The following TRIM11 variants were observed in gnomAD, a reference collection of about 807,000 sequenced individuals.
TRIM11 encodes the protein E3 ubiquitin-protein ligase TRIM11.
TRIM11 carries 15 observed loss-of-function variants against 33.4 expected under a neutral mutation model. The observed-to-expected ratio is 0.45, with a 90% CI of 0.30 to 0.69. The LOEUF (loss-of-function observed/expected upper bound fraction) is 0.69, where lower values mean the gene tolerates loss of function less well. TRIM11 is among the 30% of genes least tolerant of loss of function. TRIM11 has a pLI of 0.08. For missense variants in TRIM11, 499 were observed against 667.6 expected (o/e 0.75, Z 2.78); for synonymous variants, 281 against 302.6 (o/e 0.93, Z 0.74).
At position 228,395,667 on chromosome 1, in the gene TRIM11, G is replaced by C. The variant is rs1157466520; in HGVS notation, c.860-415C>G. ...CTCCCAAGCTGCTGGGATTACAGGC[G>C]TGTGCCACCATGGCTGGCTCATTTT... On this transcript the variant is annotated intron_variant, in intron 5 of 5. Transcript: ENST00000284551. The surrounding 1 kb of genome is among the most constrained non-coding windows in gnomAD (Gnocchi z 4.8). 1 of 163,640 alleles carries C rather than the reference G, an allele frequency of 6.1e-6. No homozygotes were observed. Among genetic ancestry groups the C allele is most frequent in the Non-Finnish European group, 1.3e-5 (1 of 76,130 alleles). The allele number at this position is 163,640 out of a possible 1,614,324, so 10.1% of individuals were successfully genotyped here.
rs532077087 is a variant in TRIM11 at position 228,395,737 on chromosome 1, G to A, written c.860-485C>T. 1 of 152,782 alleles carries A rather than the reference G, an allele frequency of 6.5e-6. No individual in the cohort carries two copies. Among genetic ancestry groups the A allele is most frequent in the Non-Finnish European group, 1.5e-5 (1 of 68,618 alleles). The allele number at this position is 152,782 out of a possible 1,614,324, so 9.5% of individuals were successfully genotyped here. A position where few individuals can be genotyped will look rare whatever the true frequency, so the allele number is the denominator to read the frequency against. ...GATGGGAGTCTTGCTATGTTTCCCG[G>A]GTTGGTCTTGAACTGATGGCCTCAA... On this transcript the variant is annotated intron_variant, in intron 5 of 5. Coordinates refer to ENST00000284551, the MANE Select transcript of TRIM11 (RefSeq NM_145214.3). This position sits in a 1 kb window ranked among gnomAD's most constrained non-coding sequence, Gnocchi z 4.8.
Position 228,401,991 on chromosome 1 carries a change from G to T in TRIM11, c.504+75C>A. 2 of 1,237,206 alleles carry T rather than the reference G, an allele frequency of 1.6e-6. No individual in the cohort carries two copies. The highest frequency in any genetic ancestry group is 1.1e-6 in the Non-Finnish European group (1 of 890,184). 76.6% of individuals were successfully genotyped at this position (1,237,206 alleles called of 1,614,324 possible). The stretch of plus-strand genomic sequence containing the variant: ...AGGGCAAGTGTGCCTGGCCAGCATC[G>T]CCCCCTGGGGTCTCCTATACAGGAC... On this transcript the variant is annotated intron_variant, in intron 2 of 5. Coordinates refer to ENST00000284551, the MANE Select transcript of TRIM11 (RefSeq NM_145214.3). This position sits in a 1 kb window ranked among gnomAD's most constrained non-coding sequence, Gnocchi z 6.1.
rs936017315 is a variant in TRIM11, at chr1:228,406,259, G to A, written c.303C>T (p.Ala101=). ...VCPAHREPLA[A]FCGDELRLLC... ...GGAGGCGCAGCTCGTCGCCACAGAA[G>A]GCGGCCAGTGGCTCGCGGTGCGCGG... The change falls in exon 1 of 6, where the codon GCC becomes GCT. Residue 101 remains alanine, a synonymous_variant. Coordinates refer to ENST00000284551, the MANE Select transcript of TRIM11 (RefSeq NM_145214.3). This position sits in a 1 kb window ranked among gnomAD's most constrained non-coding sequence, Gnocchi z 8.2. 9.4e-6 allele frequency: 14 copies of A among 1,496,544 alleles called. No individual in the cohort carries two copies. Among genetic ancestry groups the A allele is most frequent in the Non-Finnish European group, 1.2e-5 (13 of 1,129,830 alleles). 92.7% of individuals were successfully genotyped at this position (1,496,544 alleles called of 1,614,324 possible). A position where few individuals can be genotyped will look rare whatever the true frequency, so the allele number is the denominator to read the frequency against.
chr1:228,396,926 A>T, intron 5 of TRIM11, 21 bp downstream of exon 5: 1 of 1,612,108 alleles, frequency 6.2e-7, no homozygotes, highest in East Asian at 2.2e-5. Context: ...TCATCTCCCC[A>T]CCTGGGGCCT....
At position 228,394,882 on chromosome 1, in the gene TRIM11, G is replaced by A. The variant is rs137972510; in HGVS notation, c.1230C>T (p.Tyr410=). 132 of 1,614,134 alleles carry A rather than the reference G, an allele frequency of 8.2e-5. No individual in the cohort carries two copies. The African/African-American group carries it at 1.2e-3, about 15-fold the overall frequency. ...PPRRVGIFLD[Y]EAGHLSFYSA... ...TGTAGAAAGAGAGATGTCCAGCCTCGTAGTCCAGAAAGATCCCCACGCGCC... is the reference window on the plus strand; with the variant it reads ...TGTAGAAAGAGAGATGTCCAGCCTCATAGTCCAGAAAGATCCCCACGCGCC... Residue 410 remains tyrosine, a synonymous_variant, in exon 6 of 6, where the codon TAC becomes TAT. Transcript: ENST00000284551. The surrounding 1 kb of genome is among the most constrained non-coding windows in gnomAD (Gnocchi z 6.2).
rs1042339023 is a variant in TRIM11 at position 228,395,878 on chromosome 1, C to T, written c.860-626G>A. 6.6e-6 allele frequency: 1 copy of T among 152,246 alleles called. No individual in the cohort carries two copies. The highest frequency in any genetic ancestry group is 1.5e-5 in the Non-Finnish European group (1 of 68,102). The allele number at this position is 152,246 out of a possible 1,614,324, so 9.4% of individuals were successfully genotyped here. On this transcript the variant is annotated intron_variant, in intron 5 of 5. Transcript: ENST00000284551. The surrounding 1 kb of genome is among the most constrained non-coding windows in gnomAD (Gnocchi z 4.8). Reference sequence around the variant, plus strand: ...AGGATGTGAATTAGGGCAGCTGTCCCAACCCTGACCACTCCGATTTCAGAT... The same window carrying T: ...AGGATGTGAATTAGGGCAGCTGTCCTAACCCTGACCACTCCGATTTCAGAT...
At chr1:228,404,194 C>G (rs1002271260) in intron 1 of TRIM11, 1 of 152,386 alleles carries the variant, frequency 6.6e-6, no homozygotes, top group Non-Finnish European at 1.5e-5. Flanking sequence ...GGCAAACCCC[C>G]TCCCCACACA....
In TRIM11 at chr1:228,402,189, A is replaced by G. The variant is rs145302297; in HGVS notation, c.409-28T>C. ...GCGGGAGAGGCCAGGCAGGACCATG[A>G]GACATGAGTCCTGTCACAGAAGCCT... On this transcript the variant is annotated intron_variant, in intron 1 of 5. Transcript: ENST00000284551. The G allele has an allele frequency of 8.3e-4, 1,312 of 1,576,752 alleles. 9 individuals carry two copies. The African/African-American group carries it at 0.016, about 19-fold the overall frequency.
chr1:228,398,715 G>A (rs2075006431), intron 3 of TRIM11, among the ~76,000 whole-genome samples: 1 of 152,106 alleles, frequency 6.6e-6, no homozygotes, highest in South Asian at 2.1e-4. Context: ...TGCGCAGGGT[G>A]AGGGAGGGGT....
At chr1:228,396,438 C>G (rs951077717) in intron 5 of TRIM11, 1 of 560,066 alleles carries the variant, frequency 1.8e-6, no homozygotes, top group Non-Finnish European at 3.2e-6. Flanking sequence ...CTTCCCCAGG[C>G]TTTGCCCATG....
chr1:228,403,215 C>CAGCAA lies in TRIM11; in HGVS notation c.409-1059_409-1055dup, dbSNP rs1352569568. 6.6e-6 allele frequency: 1 copy of CAGCAA among 152,338 alleles called. No homozygotes were observed. The highest frequency in any genetic ancestry group is 1.5e-5 in the Non-Finnish European group (1 of 68,146). 9.4% of individuals were successfully genotyped at this position (152,338 alleles called of 1,614,324 possible). A position where few individuals can be genotyped will look rare whatever the true frequency, so the allele number is the denominator to read the frequency against. On this transcript the variant is annotated intron_variant, in intron 1 of 5. Coordinates refer to ENST00000284551, the MANE Select transcript of TRIM11 (RefSeq NM_145214.3). This position sits in a 1 kb window ranked among gnomAD's most constrained non-coding sequence, Gnocchi z 4.8. ...CTTCCACCCCATCTGACACCCTTAT[C>CAGCAA]AGCAACGGGCCCTGTGCTGGCCACA...
Position 228,394,407 on chromosome 1 carries a change from C to T in TRIM11, c.*298G>A. ...AGTGGAGTTTTCTCAGCTTCTGGAA[C>T]CACAGGCCAGAGCTGCCGGGGCAAT... is the stretch of plus-strand genomic sequence containing the variant. On this transcript the variant is annotated 3_prime_UTR_variant, in exon 6 of 6. Coordinates refer to ENST00000284551, the MANE Select transcript of TRIM11 (RefSeq NM_145214.3). This position sits in a 1 kb window ranked among gnomAD's most constrained non-coding sequence, Gnocchi z 6.2. 2.4e-6 allele frequency: 1 copy of T among 415,904 alleles called. No individual in the cohort carries two copies. The highest frequency in any genetic ancestry group is 4.1e-5 in the Admixed American group (1 of 24,228). 25.8% of individuals were successfully genotyped at this position (415,904 alleles called of 1,614,324 possible).
rs537416882 is a variant in TRIM11 at position 228,401,714 on chromosome 1, T to A, written c.504+352A>T. 6.6e-6 allele frequency among the ~76,000 whole-genome samples: 1 copy of A among 151,744 alleles called. No individual in the cohort carries two copies. Among genetic ancestry groups the A allele is most frequent in the Admixed American group, 6.6e-5 (1 of 15,250 alleles). On this transcript the variant is annotated intron_variant, in intron 2 of 5. Transcript: ENST00000284551. The surrounding 1 kb of genome is among the most constrained non-coding windows in gnomAD (Gnocchi z 6.1). ...ACCCCAGAACTGGACAGATCCCAAA[T>A]CTACTCCTCAGGATGGCTGAATCCC...
chr1:228,397,153 C>A lies in TRIM11; in HGVS notation c.748G>T (p.Ala250Ser), dbSNP rs752433568. Residue 250 changes from alanine to serine, a missense_variant, in exon 4 of 6, where the codon GCC becomes TCC. Physicochemically the swap from Ala to Ser is moderately conservative, Grantham distance 99. Coordinates refer to ENST00000284551, the MANE Select transcript of TRIM11 (RefSeq NM_145214.3). Reference sequence around the variant, plus strand: ...AGGCTGGGTTCGTACCTGCGCAGGGCGTCCTTGATGTCCTATGTGGGGAGG... The same window carrying A: ...AGGCTGGGTTCGTACCTGCGCAGGGAGTCCTTGATGTCCTATGTGGGGAGG... Reference protein sequence around the residue: ...ALGLLQDIKDALRRVQDVKLQ... With the variant: ...ALGLLQDIKDSLRRVQDVKLQ... The A allele has an allele frequency of 1.2e-6, 2 of 1,613,534 alleles. No homozygotes were observed. Among genetic ancestry groups the A allele is most frequent in the Admixed American group, 1.7e-5 (1 of 60,004 alleles).
rs1161415552 is a variant in TRIM11, at chr1:228,401,958, G to T, written c.504+108C>A. On this transcript the variant is annotated intron_variant, in intron 2 of 5. Coordinates refer to ENST00000284551, the MANE Select transcript of TRIM11 (RefSeq NM_145214.3). The surrounding 1 kb of genome is among the most constrained non-coding windows in gnomAD (Gnocchi z 6.1). ...CAGGCTGAAGCAGTGACTGGTCCTG[G>T]GGCGCCAAGGGCAAGTGTGCCTGGC... The T allele has an allele frequency of 1.3e-6, 1 of 794,986 alleles. No homozygotes were observed. Among genetic ancestry groups the T allele is most frequent in the Non-Finnish European group, 1.9e-6 (1 of 525,824 alleles). The allele number at this position is 794,986 out of a possible 1,614,324, so 49.2% of individuals were successfully genotyped here. A position where few individuals can be genotyped will look rare whatever the true frequency, so the allele number is the denominator to read the frequency against.
At position 228,400,910 on chromosome 1, in the gene TRIM11, G is replaced by T. The variant is rs1447003783; in HGVS notation, c.735+54C>A. 19 of 1,457,322 alleles carry T rather than the reference G, an allele frequency of 1.3e-5. No homozygotes were observed. In the South Asian group the frequency reaches 2.0e-4, roughly 15 times the overall value. The allele number at this position is 1,457,322 out of a possible 1,614,324, so 90.3% of individuals were successfully genotyped here. A position where few individuals can be genotyped will look rare whatever the true frequency, so the allele number is the denominator to read the frequency against. ...GCACTTTCTGGTTCTCCCTCCCCCA[G>T]TGTGGCCAGGCCATGCCCGTGTGGC... On this transcript the variant is annotated intron_variant, in intron 3 of 5. Transcript: ENST00000284551. The surrounding 1 kb of genome is among the most constrained non-coding windows in gnomAD (Gnocchi z 4.5).
At chr1:228,404,156 G>A (rs1370856940) in intron 1 of TRIM11, 1 of 152,306 alleles carries the variant, frequency 6.6e-6, no homozygotes, top group Non-Finnish European at 1.5e-5. Context: ...TGCAGGCCTG[G>A]GATCTTCCCT....
intron 5 of TRIM11, chr1:228,396,478 G>A: frequency 1.7e-6 from 1 of 586,986 alleles, no homozygotes; most frequent in South Asian, 2.1e-5. Flanking sequence ...TTCCTGAGTG[G>A]TATCCTTCAC....
rs767611965 is a variant in TRIM11 at position 228,403,958 on chromosome 1, GTT to G, written c.409-1799_409-1798del. The G allele has an allele frequency of 6.6e-6, 1 of 152,164 alleles. No homozygotes were observed. Among genetic ancestry groups the G allele is most frequent in the Non-Finnish European group, 1.5e-5 (1 of 68,044 alleles). The allele number at this position is 152,164 out of a possible 1,614,324, so 9.4% of individuals were successfully genotyped here. A position where few individuals can be genotyped will look rare whatever the true frequency, so the allele number is the denominator to read the frequency against. ...GCGTGAGCCACCACACCTGGCCAACGTTTTCAGTTTTCAACACTAAGGTTACA... is the reference window on the plus strand; with the variant it reads ...GCGTGAGCCACCACACCTGGCCAACGTTCAGTTTTCAACACTAAGGTTACA... On this transcript the variant is annotated intron_variant, in intron 1 of 5. Coordinates refer to ENST00000284551, the MANE Select transcript of TRIM11 (RefSeq NM_145214.3). This position sits in a 1 kb window ranked among gnomAD's most constrained non-coding sequence, Gnocchi z 4.8.
Sources: gnomAD v4.1 joint callset for allele counts (sites outside exome capture counted in the v4.1 genomes callset) on GRCh38, gnomAD v4.1.1 for gene constraint, Gnocchi (gnomAD v3.1) non-coding constraint, MANE v1.5 for transcripts, NCBI Gene and HGNC (gene_info 2026-07-23, HGNC 2026-07-21) for gene names.